The following NDUFA10 variants were observed in gnomAD, a reference collection of about 807,000 sequenced individuals.
NDUFA10 encodes NADH dehydrogenase [ubiquinone] 1 alpha subcomplex subunit 10, mitochondrial.
Under a neutral mutation model 47.8 loss-of-function variants are expected in NDUFA10, and 40 were observed. The observed-to-expected ratio is 0.84, with a 90% confidence interval of 0.65 to 1.09. NDUFA10 has a LOEUF of 1.09. Ranked by LOEUF, NDUFA10 falls within the 50% of genes least tolerant of loss-of-function variation. NDUFA10 has a pLI of 0.00. For synonymous variants in NDUFA10, 183 were observed against 172.2 expected (o/e 1.06, Z -0.49); for missense variants, 413 against 451.1 (o/e 0.92, Z 0.76).
intron 9 of NDUFA10, chr2:239,982,003 C>A: frequency 7.1e-7 from 1 of 1,415,118 alleles, no homozygotes; most frequent in Non-Finnish European, 9.5e-7. Flanking sequence ...CCACTTGCTC[C>A]AGGAAATAAC....
intron 4 of NDUFA10, among the ~76,000 whole-genome samples, chr2:239,942,618 A>G (rs1694377041): frequency 6.6e-6 from 1 of 151,992 alleles, no homozygotes; most frequent in Admixed American, 6.6e-5. Flanking sequence ...AAGCACAGGA[A>G]TATTTTTTTT....
At chr2:240,021,152 A>T in intron 3 of NDUFA10, 45 bp downstream of exon 3, 2 of 1,522,612 alleles carry the variant, frequency 1.3e-6, no homozygotes, top group Non-Finnish European at 1.8e-6. Flanking sequence ...ATTCTAGAAT[A>T]GTGTTCAAGT....
At chr2:239,969,489 TGTGCCTGGTCA>T in intron 9 of NDUFA10, 1 of 357,800 alleles carries the variant, frequency 2.8e-6, no homozygotes, top group Admixed American at 3.6e-5. Flanking sequence ...CGTTACAGAA[TGTGCCTGGTCA>T]GTGATGGAGC....
At chr2:240,010,257 T>A (rs1472402651) in intron 6 of NDUFA10, among the ~76,000 whole-genome samples, 2 of 152,174 alleles carry the variant, frequency 1.3e-5, no homozygotes, top group Admixed American at 1.3e-4. Flanking sequence ...CTGTATCTGT[T>A]CCTAAAACAG....
intron 4 of NDUFA10, among the ~76,000 whole-genome samples, chr2:239,914,563 TACACACAC>T (rs145066368): frequency 0.11 from 10,759 of 99,588 alleles, 1,086 homozygotes; most frequent in African/African-American, 0.15. Flanking sequence ...GACACAGAGA[TACACACAC>T]ACACAGAGAA....
chr2:239,901,964 T>C (rs992216176), intron 4 of NDUFA10, among the ~76,000 whole-genome samples: 2 of 151,976 alleles, frequency 1.3e-5, no homozygotes, highest in African/African-American at 4.8e-5. Context: ...AAAATTTGAG[T>C]GAATGAGGAA....
chr2:239,962,838 G>T (rs1474931840), intron 9 of NDUFA10, among the ~76,000 whole-genome samples: 1 of 152,080 alleles, frequency 6.6e-6, no homozygotes, highest in Non-Finnish European at 1.5e-5. Flanking sequence ...CGGGTAGGGG[G>T]TGGGAGCTGC....
chr2:239,955,618 A>G (rs919220304), downstream of NDUFA10, among the ~76,000 whole-genome samples: 9 of 152,334 alleles, frequency 5.9e-5, no homozygotes, highest in African/African-American at 2.2e-4. Context: ...CCAGACACCC[A>G]TCCAGAAGTG....
At chr2:239,905,794 G>A (rs1437516508) in intron 4 of NDUFA10, among the ~76,000 whole-genome samples, 3 of 134,424 alleles carry the variant, frequency 2.2e-5, no homozygotes, top group Non-Finnish European at 4.9e-5. Context: ...AGAAGAAGCG[G>A]GGAGAGGAGG....
chr2:239,948,752 T>G (rs1694500355), intron 4 of NDUFA10, among the ~76,000 whole-genome samples: 1 of 152,224 alleles, frequency 6.6e-6, no homozygotes, highest in South Asian at 2.1e-4. Context: ...AGGCCTCCAG[T>G]GTCTGGGACA....
chr2:239,934,094 C>G (rs531546786), intron 4 of NDUFA10, among the ~76,000 whole-genome samples: 2 of 152,092 alleles, frequency 1.3e-5, no homozygotes, highest in Non-Finnish European at 2.9e-5. Flanking sequence ...TGGCCCCAGG[C>G]GATCCTCCTG....
intron 4 of NDUFA10, among the ~76,000 whole-genome samples, chr2:239,940,055 AC>A (rs1272812902): frequency 6.6e-6 from 1 of 152,192 alleles, no homozygotes; most frequent in East Asian, 1.9e-4. Context: ...CCTCTGAGGA[AC>A]CCAGGCGGCT....
chr2:239,904,653 GT>G (rs930364367), intron 4 of NDUFA10, among the ~76,000 whole-genome samples: 7 of 152,324 alleles, frequency 4.6e-5, no homozygotes, highest in Non-Finnish European at 7.4e-5. Context: ...CCTAGGCACG[GT>G]GCCCTCAGAC....
chr2:240,022,727 G>C (rs1009326161), intron 1 of NDUFA10, among the ~76,000 whole-genome samples: 6 of 152,006 alleles, frequency 3.9e-5, no homozygotes, highest in Non-Finnish European at 8.8e-5. Flanking sequence ...GAAGGGAAGG[G>C]AATAAAAAAC....
chr2:239,966,713 C>T (rs1695076685), intron 9 of NDUFA10, among the ~76,000 whole-genome samples: 1 of 152,114 alleles, frequency 6.6e-6, no homozygotes, highest in Non-Finnish European at 1.5e-5. Flanking sequence ...CACACAGGTG[C>T]TACCCTCTCC....
intron 9 of NDUFA10, chr2:239,983,840 G>C: frequency 4.3e-5 from 61 of 1,422,244 alleles, no homozygotes; most frequent in Non-Finnish European, 5.1e-5. Context: ...GAGACATGAG[G>C]ACCCAATGTC....
At chr2:239,913,241 G>C (rs1693784950) in intron 4 of NDUFA10, among the ~76,000 whole-genome samples, 2 of 152,242 alleles carry the variant, frequency 1.3e-5, no homozygotes, top group Admixed American at 6.5e-5. Flanking sequence ...TCCGTGGGGA[G>C]TGACCCAGGT....
At chr2:239,935,775 A>G (rs1416116466) in intron 4 of NDUFA10, among the ~76,000 whole-genome samples, 2 of 152,154 alleles carry the variant, frequency 1.3e-5, no homozygotes, top group South Asian at 2.1e-4. Flanking sequence ...CTTGGCTCCC[A>G]TTCTCTTTTG....
chr2:239,930,912 A>G (rs10170006), intron 4 of NDUFA10, among the ~76,000 whole-genome samples: 3 of 45,566 alleles, frequency 6.6e-5, no homozygotes, highest in Non-Finnish European at 8.2e-5. Flanking sequence ...GGAGGTCAGG[A>G]GGCCGCAGGG....
Sources: allele counts gnomAD v4.1 joint callset (sites outside exome capture counted in the v4.1 genomes callset), GRCh38; gene constraint gnomAD v4.1.1; transcripts MANE v1.5; gene names NCBI Gene and HGNC (gene_info 2026-07-23, HGNC 2026-07-21).